RELN: variants seen among roughly 807,000 people sequenced by gnomAD.
RELN encodes reelin.
In RELN, 108 loss-of-function variants were observed where a neutral mutation model predicts 427.6. The observed-to-expected ratio is 0.25, with a 90% CI of 0.22 to 0.30. The LOEUF (loss-of-function observed/expected upper bound fraction) is 0.30. Ranked by LOEUF, RELN falls within the 10% of genes least tolerant of loss-of-function variation. The pLI is 1.00. For synonymous variants in RELN, 1,524 were observed against 1,513.4 expected, an observed-to-expected ratio of 1.01 and a Z score of -0.16; for missense variants, 3,715 against 4,302.8, an observed-to-expected ratio of 0.86 and a Z score of 3.82.
At position 103,700,878 on chromosome 7, in the gene RELN, A is replaced by G. The variant is rs201371955; in HGVS notation, c.902+32T>C. The G allele has an allele frequency of 7.4e-4, 1,002 of 1,350,258 alleles. 2 individuals carry two copies. Among genetic ancestry groups the G allele is most frequent in the Admixed American group, 1.2e-3 (73 of 59,598 alleles). 83.6% of individuals were successfully genotyped at this position (1,350,258 alleles called of 1,614,324 possible). On this transcript the variant is annotated intron_variant, in intron 9 of 64. Transcript: ENST00000428762. ...GAGAGTAGAACTCCATCTATGTCAG[A>G]ATTTATGAAAATACTTTAAATTACA...
chr7:103,813,584 G>A (rs561504469), intron 3 of RELN, among the ~76,000 whole-genome samples: 15 of 151,928 alleles, frequency 9.9e-5, no homozygotes, highest in East Asian at 9.7e-4. Context: ...ATATATGTAC[G>A]TACAATAATG....
In RELN at chr7:103,909,834, T is replaced by C. The variant is rs1795322227; in HGVS notation, c.337+7241A>G. 7.3e-5 allele frequency among the ~76,000 whole-genome samples: 3 copies of C among 41,154 alleles called. No homozygotes were observed. In the South Asian group the frequency reaches 3.0e-3, roughly 41 times the overall value. 27.0% of individuals were successfully genotyped at this position (41,154 alleles called of 152,430 possible). On this transcript the variant is annotated intron_variant, in intron 2 of 64. Coordinates refer to ENST00000428762, the MANE Select transcript of RELN (RefSeq NM_005045.4). ...TAATATTATATATAAAATATATATA[T>C]TTAATATATATATTTAAATAATTCA...
rs1285840374 is a variant in RELN, at chr7:103,603,334, G to A, written c.3303C>T (p.Ile1101=). The change falls in exon 24 of 65, where the codon ATC becomes ATT. Residue 1101 remains isoleucine, a synonymous_variant. Coordinates refer to ENST00000428762, the MANE Select transcript of RELN (RefSeq NM_005045.4). This position sits in a 1 kb window ranked among gnomAD's most constrained non-coding sequence, Gnocchi z 4.3. ...TGAAGTACAGAGATGATCCAGAAGA[G>A]ATGACACCACACCCTTGTTCTGGTT... ...IVKPEQGCGV[I]SSGSSLYFSK... is the part of the protein sequence containing the mutation. 3 of 1,613,880 alleles carry A rather than the reference G, an allele frequency of 1.9e-6. No homozygotes were observed. Among genetic ancestry groups the A allele is most frequent in the Non-Finnish European group, 2.5e-6 (3 of 1,179,808 alleles).
chr7:103,552,690 C>T (rs912754161), intron 40 of RELN, among the ~76,000 whole-genome samples: 49 of 151,716 alleles, frequency 3.2e-4, no homozygotes, highest in Middle Eastern at 6.8e-3. Flanking sequence ...TTTAGTGAGA[C>T]GGGGTTTCAC....
rs188449783 is a variant in RELN, at chr7:103,864,652, C to G, written c.338-30980G>C. 2.7e-3 allele frequency among the ~76,000 whole-genome samples: 413 copies of G among 152,046 alleles called. 2 individuals carry two copies. Among genetic ancestry groups the G allele is most frequent in the South Asian group, 2.9e-3 (14 of 4,812 alleles). On this transcript the variant is annotated intron_variant, in intron 2 of 64. Coordinates refer to ENST00000428762, the MANE Select transcript of RELN (RefSeq NM_005045.4). Reference sequence around the variant, plus strand: ...CTTAAATAAGCAACCTAACTTTATACCTTAAGGAACTAGAAAAAGGGCAAA... The same window carrying G: ...CTTAAATAAGCAACCTAACTTTATAGCTTAAGGAACTAGAAAAAGGGCAAA...
Position 103,651,675 on chromosome 7 carries a change from AGAG to A in RELN, c.1875_1877del (p.Ser626del), listed in dbSNP as rs761320660. On this transcript the variant is annotated inframe_deletion, in exon 15 of 65. Coordinates refer to ENST00000428762, the MANE Select transcript of RELN (RefSeq NM_005045.4). ...AATGTACTCACCCACTGTAGTTTTC[AGAG>A]GAGTAGACAGTGCTGTGGGGGAGGT... 6.2e-7 allele frequency: 1 copy of A among 1,611,830 alleles called. No individual in the cohort carries two copies. Among genetic ancestry groups the A allele is most frequent in the Non-Finnish European group, 8.5e-7 (1 of 1,178,452 alleles).
intron 10 of RELN, among the ~76,000 whole-genome samples, chr7:103,697,087 T>C (rs1035855761): frequency 6.6e-6 from 1 of 152,152 alleles, no homozygotes; most frequent in Non-Finnish European, 1.5e-5. Flanking sequence ...AACAAATATT[T>C]CTTACAGTTC....
At chr7:103,946,168 T>C (rs1174652796) in intron 1 of RELN, among the ~76,000 whole-genome samples, 1 of 152,336 alleles carries the variant, frequency 6.6e-6, no homozygotes, top group East Asian at 1.9e-4. Flanking sequence ...GAATAATATC[T>C]ACTTAATGAT....
intron 10 of RELN, among the ~76,000 whole-genome samples, chr7:103,688,782 G>A (rs779765268): frequency 4.6e-5 from 7 of 152,208 alleles, no homozygotes; most frequent in Non-Finnish European, 1.0e-4. Context: ...TTTGGCAAAT[G>A]CATAAGGTAC....
At chr7:103,754,732 C>G (rs1332878624) in intron 4 of RELN, among the ~76,000 whole-genome samples, 1 of 152,054 alleles carries the variant, frequency 6.6e-6, no homozygotes, top group Non-Finnish European at 1.5e-5. Context: ...GCTAGAAATG[C>G]AACATCACAC....
At chr7:103,726,486 C>A (rs1584439133) in intron 7 of RELN, among the ~76,000 whole-genome samples, 1 of 152,170 alleles carries the variant, frequency 6.6e-6, no homozygotes, top group African/African-American at 2.4e-5. Flanking sequence ...TTATAAAACA[C>A]AATTCAAAAT....
At chr7:103,524,461 G>A (rs761671037) in intron 46 of RELN, among the ~76,000 whole-genome samples, 1 of 152,148 alleles carries the variant, frequency 6.6e-6, no homozygotes, top group Non-Finnish European at 1.5e-5. Flanking sequence ...GCTCATTCAC[G>A]GAGTTCTGGA....
At position 103,472,573 on chromosome 7, in the gene RELN, C is replaced by T. The variant is rs903471595; in HGVS notation, c.*239G>A. On this transcript the variant is annotated 3_prime_UTR_variant, in exon 65 of 65. Transcript: ENST00000428762. Reference sequence around the variant, plus strand: ...AATACTGCCACTGTAACTGATATTACAACAGATCACAACTTTCACGGACAC... The same window carrying T: ...AATACTGCCACTGTAACTGATATTATAACAGATCACAACTTTCACGGACAC... The T allele has an allele frequency of 1.8e-5, 9 of 503,560 alleles. No individual in the cohort carries two copies. Among genetic ancestry groups the T allele is most frequent in the Non-Finnish European group, 2.9e-5 (8 of 276,392 alleles). The allele number at this position is 503,560 out of a possible 1,614,324, so 31.2% of individuals were successfully genotyped here. A position where few individuals can be genotyped will look rare whatever the true frequency, so the allele number is the denominator to read the frequency against.
chr7:103,629,188 G>A (rs1024972300), intron 20 of RELN, among the ~76,000 whole-genome samples: 3 of 152,148 alleles, frequency 2.0e-5, no homozygotes, highest in African/African-American at 7.2e-5. Flanking sequence ...CCTCTCGGGA[G>A]TTTCCTATGT....
chr7:103,897,159 G>C (rs556379596), intron 2 of RELN, among the ~76,000 whole-genome samples: 1 of 152,054 alleles, frequency 6.6e-6, no homozygotes. Flanking sequence ...CCCACAACAC[G>C]TGGGGATTAT....
intron 3 of RELN, among the ~76,000 whole-genome samples, chr7:103,793,089 T>C (rs1361214516): frequency 1.3e-5 from 2 of 152,184 alleles, no homozygotes; most frequent in Non-Finnish European, 2.9e-5. Flanking sequence ...CAAATTTCAA[T>C]TGAACCAAAG....
At chr7:103,894,834 G>T (rs539948579) in intron 2 of RELN, among the ~76,000 whole-genome samples, 30 of 152,248 alleles carry the variant, frequency 2.0e-4, no homozygotes, top group African/African-American at 6.5e-4. Context: ...CCAGCAGTTG[G>T]TGTGTTTAAT....
intron 20 of RELN, among the ~76,000 whole-genome samples, chr7:103,618,246 G>A (rs566190573): frequency 4.6e-5 from 7 of 152,294 alleles, no homozygotes; most frequent in South Asian, 2.1e-4. Flanking sequence ...GTAATTTTCC[G>A]TTTGTAACTT....
In RELN at chr7:103,645,833, T is replaced by A. The variant is rs1832786179; in HGVS notation, c.2002+4441A>T. ...TACCAAACAACCACAGAATATACAT[T>A]TTTCTCATGAGTGCATGAAAGATTC... On this transcript the variant is annotated intron_variant, in intron 16 of 64. Coordinates refer to ENST00000428762, the MANE Select transcript of RELN (RefSeq NM_005045.4). Among the ~76,000 whole-genome samples, 5 of 151,898 alleles carry A rather than the reference T, an allele frequency of 3.3e-5. No homozygotes were observed. In the South Asian group the frequency reaches 1.0e-3, roughly 31 times the overall value.
Sources: allele counts gnomAD v4.1 joint callset (sites outside exome capture counted in the v4.1 genomes callset), GRCh38; gene constraint gnomAD v4.1.1; non-coding constraint Gnocchi (gnomAD v3.1); transcripts MANE v1.5; gene names NCBI Gene and HGNC (gene_info 2026-07-23, HGNC 2026-07-21).